The following FAM167A variants were observed in gnomAD, a reference collection of about 807,000 sequenced individuals.
FAM167A encodes the protein family with sequence similarity 167 member A, also known as protein FAM167A.
FAM167A carries 23 observed loss-of-function variants against 14.9 expected under a neutral mutation model. That is an observed-to-expected ratio of 1.55 (90% CI 1.11 to 2.19). The LOEUF is 2.19. FAM167A is among the 30% of genes most tolerant of loss of function. The pLI is 0.00. For missense variants in FAM167A, 401 were observed against 281.5 expected (o/e 1.42, Z -3.04); for synonymous variants, 174 against 117.7 (o/e 1.48, Z -3.10).
chr8:11,446,841 T>C (rs1806805472), intron 1 of FAM167A, among the ~76,000 whole-genome samples: 1 of 152,232 alleles, frequency 6.6e-6, no homozygotes, highest in Non-Finnish European at 1.5e-5. Flanking sequence ...GCCTCTTTGC[T>C]GAGGTGCCAG....
intron 2 of FAM167A, among the ~76,000 whole-genome samples, chr8:11,429,887 A>AAT (rs1250134024): frequency 6.6e-6 from 1 of 152,224 alleles, no homozygotes; most frequent in African/African-American, 2.4e-5. Flanking sequence ...GGACAGTGAG[A>AAT]ATGAAATTCG....
intron 2 of FAM167A, among the ~76,000 whole-genome samples, chr8:11,432,788 C>A (rs1483315142): frequency 6.6e-6 from 1 of 152,150 alleles, no homozygotes; most frequent in Non-Finnish European, 1.5e-5. Flanking sequence ...GCACTATTCA[C>A]AATAGCAAAG....
At chr8:11,443,823 G>A (rs1016855704) in intron 2 of FAM167A, 3 of 604,380 alleles carry the variant, frequency 5.0e-6, no homozygotes, top group African/African-American at 1.9e-5. Context: ...CTGCAATTAG[G>A]GGCTGATGAC....
chr8:11,472,616 G>T (rs1807996022), intron 1 of FAM167A, among the ~76,000 whole-genome samples: 1 of 152,000 alleles, frequency 6.6e-6, no homozygotes, highest in African/African-American at 2.4e-5. Context: ...AAACCCTGAT[G>T]GGCAGGGGAG....
intron 1 of FAM167A, among the ~76,000 whole-genome samples, chr8:11,454,462 C>T (rs1185558543): frequency 1.3e-5 from 2 of 152,232 alleles, no homozygotes; most frequent in African/African-American, 4.8e-5. Flanking sequence ...GTAGAGGGCA[C>T]AGCCCTGATT....
chr8:11,424,993 G>C (rs1172473372), intron 2 of FAM167A, among the ~76,000 whole-genome samples: 1 of 152,190 alleles, frequency 6.6e-6, no homozygotes, highest in Non-Finnish European at 1.5e-5. Context: ...TCAAATTCAG[G>C]AGGATGGTTG....
At chr8:11,431,496 G>C (rs1037781567) in intron 2 of FAM167A, among the ~76,000 whole-genome samples, 2 of 152,192 alleles carry the variant, frequency 1.3e-5, no homozygotes, top group African/African-American at 4.8e-5. Context: ...AATATATTTA[G>C]TGAACTGTAC....
At chr8:11,448,573 C>A (rs1806885337) in intron 1 of FAM167A, among the ~76,000 whole-genome samples, 1 of 152,244 alleles carries the variant, frequency 6.6e-6, no homozygotes, top group African/African-American at 2.4e-5. Flanking sequence ...CCCCTCACAT[C>A]CTTCCCTGGA....
intron 2 of FAM167A, among the ~76,000 whole-genome samples, chr8:11,432,280 C>T (rs1223110947): frequency 6.6e-6 from 1 of 152,174 alleles, no homozygotes; most frequent in Non-Finnish European, 1.5e-5. Flanking sequence ...TCAGAGTGAA[C>T]AGGCAACCTA....
chr8:11,458,795 A>T (rs900422694), intron 1 of FAM167A, among the ~76,000 whole-genome samples: 1 of 152,064 alleles, frequency 6.6e-6, no homozygotes, highest in East Asian at 1.9e-4. Context: ...GAAAAAAAAA[A>T]CAGAAAGAGA....
chr8:11,444,499 G>C lies in FAM167A; in HGVS notation c.-88C>G, dbSNP rs1156562238. 1 of 1,490,118 alleles carries C rather than the reference G, an allele frequency of 6.7e-7. No homozygotes were observed. The highest frequency in any genetic ancestry group is 8.9e-7 in the Non-Finnish European group (1 of 1,126,424). 92.3% of individuals were successfully genotyped at this position (1,490,118 alleles called of 1,614,324 possible). On this transcript the variant is annotated 5_prime_UTR_variant, in exon 2 of 3. Transcript: ENST00000284486. ...GGGTGGCACAGTTGGGTCCCGCTCT[G>C]GGATGGCCTCATCCAGGTGCCCGAG...
At position 11,445,297 on chromosome 8, in the gene FAM167A, C is replaced by T. The variant is rs562624003; in HGVS notation, c.-397-489G>A. The T allele has an allele frequency of 2.8e-3, 2,805 of 985,852 alleles. 8 individuals are homozygous for T. The highest frequency in any genetic ancestry group is 6.3e-3 in the Middle Eastern group (12 of 1,916). 61.1% of individuals were successfully genotyped at this position (985,852 alleles called of 1,614,324 possible). A position where few individuals can be genotyped will look rare whatever the true frequency, so the allele number is the denominator to read the frequency against. ...CACACAGGCTAAGGTGGGTCTGCTC[C>T]GTCCAGGTGCCACTGCCCCCTCACC... On this transcript the variant is annotated intron_variant, in intron 1 of 2. Coordinates refer to ENST00000284486, the MANE Select transcript of FAM167A (RefSeq NM_053279.3).
At chr8:11,445,949 T>A (rs1481801098) in intron 1 of FAM167A, among the ~76,000 whole-genome samples, 1 of 149,730 alleles carries the variant, frequency 6.7e-6, no homozygotes, top group Non-Finnish European at 1.5e-5. Context: ...TAGGCCACCC[T>A]TGGGGTGAAA....
At chr8:11,452,909 G>A (rs74573986) in intron 1 of FAM167A, among the ~76,000 whole-genome samples, 3,236 of 152,238 alleles carry the variant, frequency 0.021, 66 homozygotes, top group Middle Eastern at 0.031. Context: ...CTGACTTCAC[G>A]CAGGAGAAAG....
At chr8:11,432,519 T>C (rs1805681482) in intron 2 of FAM167A, among the ~76,000 whole-genome samples, 1 of 152,212 alleles carries the variant, frequency 6.6e-6, no homozygotes, top group African/African-American at 2.4e-5. Flanking sequence ...CACAAGGAGA[T>C]ACCATCTCAC....
At chr8:11,465,942 C>T (rs1184880230) in intron 1 of FAM167A, among the ~76,000 whole-genome samples, 1 of 152,156 alleles carries the variant, frequency 6.6e-6, no homozygotes, top group East Asian at 1.9e-4. Context: ...CAAGCCCCGC[C>T]GGGAATAAAA....
intron 2 of FAM167A, chr8:11,434,957 C>T (rs1805901768): frequency 2.2e-6 from 1 of 447,790 alleles, no homozygotes; most frequent in African/African-American, 2.0e-5. Flanking sequence ...GACAGCATCA[C>T]TGGCACCCAC....
Position 11,444,593 on chromosome 8 carries a change from AG to A in FAM167A, c.-183del. The A allele has an allele frequency of 7.1e-7, 1 of 1,411,408 alleles. No homozygotes were observed. The highest frequency in any genetic ancestry group is 9.2e-7 in the Non-Finnish European group (1 of 1,089,380). The allele number at this position is 1,411,408 out of a possible 1,614,324, so 87.4% of individuals were successfully genotyped here. On this transcript the variant is annotated 5_prime_UTR_variant, in exon 2 of 3. Transcript: ENST00000284486. Reference sequence around the variant, plus strand: ...GGGAGCTGAGAGGGACCGCGCAGTGAGCCGCACAGGGCGCCCTCCTGGAGGC... The same window carrying A: ...GGGAGCTGAGAGGGACCGCGCAGTGACCGCACAGGGCGCCCTCCTGGAGGC...
intron 1 of FAM167A, among the ~76,000 whole-genome samples, chr8:11,464,614 C>T (rs759485080): frequency 2.0e-5 from 3 of 152,350 alleles, no homozygotes; most frequent in Middle Eastern, 3.4e-3. Context: ...GTGGCACGTG[C>T]GTGCTCTCCC....
Sources: gnomAD v4.1 joint callset for allele counts (sites outside exome capture counted in the v4.1 genomes callset) on GRCh38, gnomAD v4.1.1 for gene constraint, MANE v1.5 for transcripts, NCBI Gene and HGNC (gene_info 2026-07-23, HGNC 2026-07-21) for gene names.